The following BSPRY variants were observed in gnomAD, a reference collection of about 807,000 sequenced individuals.
The protein encoded by BSPRY is B box and SPRY domain-containing protein.
Under a neutral mutation model 38.0 loss-of-function variants are expected in BSPRY, and 33 were observed. The ratio of observed to expected loss-of-function variants is 0.87; its 90% CI spans 0.66 to 1.16. The LOEUF is 1.16. Among genes scored for constraint, BSPRY ranks in the 50% most tolerant of loss-of-function variants. The pLI is 0.00. For missense variants in BSPRY, 523 were observed against 533.2 expected, an observed-to-expected ratio of 0.98 and a Z score of 0.19; for synonymous variants, 224 against 228.5, an observed-to-expected ratio of 0.98 and a Z score of 0.18.
chr9:113,364,410 A>G (rs1202172671), intron 4 of BSPRY, among the ~76,000 whole-genome samples: 2 of 152,102 alleles, frequency 1.3e-5, no homozygotes, highest in South Asian at 4.1e-4. Flanking sequence ...ATCTTTTCAC[A>G]CTTCTGCCCA....
In BSPRY at chr9:113,349,630, G is replaced by A; in HGVS notation, c.51G>A (p.Gly17=). The A allele has an allele frequency of 8.3e-7, 1 of 1,211,314 alleles. No homozygotes were observed. The allele number at this position is 1,211,314 out of a possible 1,614,324, so 75.0% of individuals were successfully genotyped here. A position where few individuals can be genotyped will look rare whatever the true frequency, so the allele number is the denominator to read the frequency against. Residue 17 remains glycine, a synonymous_variant, in exon 1 of 6, where the codon GGG becomes GGA. Transcript: ENST00000374183. ...GGCCGGGGTCCGGGTCCGGGCCCGGGCCGGGGCCACTCTGCCCCGAACACG... is the reference window on the plus strand; with the variant it reads ...GGCCGGGGTCCGGGTCCGGGCCCGGACCGGGGCCACTCTGCCCCGAACACG... ...EPGPGSGSGP[G]PGPLCPEHGQ...
At chr9:113,364,808 A>G (rs986098678) in intron 4 of BSPRY, among the ~76,000 whole-genome samples, 28 of 152,334 alleles carry the variant, frequency 1.8e-4, no homozygotes, top group Middle Eastern at 6.8e-3. Context: ...AATTAAGGAA[A>G]TTTAACATTG....
At chr9:113,368,466 G>A in intron 5 of BSPRY, 83 bp downstream of exon 5, 1 of 1,527,092 alleles carries the variant, frequency 6.5e-7, no homozygotes. Flanking sequence ...TTCACAATGG[G>A]GACCCGTGCT....
Position 113,370,346 on chromosome 9 carries a change from T to C in BSPRY, c.*204T>C. On this transcript the variant is annotated 3_prime_UTR_variant, in exon 6 of 6. Transcript: ENST00000374183. This position sits in a 1 kb window ranked among gnomAD's most constrained non-coding sequence, Gnocchi z 4.8. ...CAGGTGTCCAAACTTTTGGCTTCCC[T>C]GGGCCACATTTGAAGAAGAATTTTC... is the stretch of plus-strand genomic sequence containing the variant. 1 of 469,826 alleles carries C rather than the reference T, an allele frequency of 2.1e-6. No homozygotes were observed. The highest frequency in any genetic ancestry group is 3.6e-5 in the East Asian group (1 of 28,034). The allele number at this position is 469,826 out of a possible 1,614,324, so 29.1% of individuals were successfully genotyped here.
intron 4 of BSPRY, among the ~76,000 whole-genome samples, chr9:113,364,875 A>G (rs1834221092): frequency 6.6e-6 from 1 of 152,016 alleles, no homozygotes; most frequent in Non-Finnish European, 1.5e-5. Context: ...ATTGTGCAAA[A>G]GTTCTTAATA....
chr9:113,349,698 T>G lies in BSPRY; in HGVS notation c.119T>G (p.Val40Gly). 1.6e-6 allele frequency: 2 copies of G among 1,238,920 alleles called. No homozygotes were observed. The highest frequency in any genetic ancestry group is 2.0e-6 in the Non-Finnish European group (2 of 992,518). The allele number at this position is 1,238,920 out of a possible 1,614,324, so 76.7% of individuals were successfully genotyped here. A position where few individuals can be genotyped will look rare whatever the true frequency, so the allele number is the denominator to read the frequency against. ...TTCTGCGGCTCCGAGCGACGGCCCG[T>G]GTGCGCCGCCTGCGCGGGGTTGGGC... is the stretch of plus-strand genomic sequence containing the variant. Reference protein sequence around the residue: ...SWFCGSERRPVCAACAGLGGR... With the variant: ...SWFCGSERRPGCAACAGLGGR... Residue 40 changes from valine to glycine, a missense_variant, in exon 1 of 6, where the codon GTG becomes GGG. Transcript: ENST00000374183.
Position 113,370,315 on chromosome 9 carries a change from A to G in BSPRY, c.*173A>G. Reference sequence around the variant, plus strand: ...TGTTTCAGATCTAGGCATAACCTGTAAATCACAGGTGTCCAAACTTTTGGC... The same window carrying G: ...TGTTTCAGATCTAGGCATAACCTGTGAATCACAGGTGTCCAAACTTTTGGC... On this transcript the variant is annotated 3_prime_UTR_variant, in exon 6 of 6. Coordinates refer to ENST00000374183, the MANE Select transcript of BSPRY (RefSeq NM_017688.3). The surrounding 1 kb of genome is among the most constrained non-coding windows in gnomAD (Gnocchi z 4.8). 1.0e-5 allele frequency: 7 copies of G among 698,574 alleles called. No individual in the cohort carries two copies. The highest frequency in any genetic ancestry group is 1.5e-5 in the Non-Finnish European group (7 of 477,816). 43.3% of individuals were successfully genotyped at this position (698,574 alleles called of 1,614,324 possible). A position where few individuals can be genotyped will look rare whatever the true frequency, so the allele number is the denominator to read the frequency against.
chr9:113,360,882 C>T, intron 3 of BSPRY, 145 bp downstream of exon 3: 1 of 754,854 alleles, frequency 1.3e-6, no homozygotes, highest in Non-Finnish European at 2.1e-6. Context: ...CTTGGCCAAA[C>T]TTTAGTCAGG....
intron 4 of BSPRY, among the ~76,000 whole-genome samples, chr9:113,364,948 T>A (rs1348282750): frequency 2.4e-5 from 1 of 41,742 alleles, no homozygotes; most frequent in Admixed American, 2.5e-4. Flanking sequence ...CCTTAGCTTG[T>A]TTTTTTTTTT....
chr9:113,369,138 G>T (rs1834299305), intron 5 of BSPRY, among the ~76,000 whole-genome samples: 1 of 152,100 alleles, frequency 6.6e-6, no homozygotes, highest in African/African-American at 2.4e-5. Context: ...CTTATCTCAT[G>T]CTTCCTAGCT....
chr9:113,357,139 G>A (rs1423841080), intron 2 of BSPRY, among the ~76,000 whole-genome samples: 1 of 152,202 alleles, frequency 6.6e-6, no homozygotes, highest in African/African-American at 2.4e-5. Flanking sequence ...AGGAACCAGC[G>A]AACGGGGACC....
intron 1 of BSPRY, among the ~76,000 whole-genome samples, chr9:113,354,014 A>C (rs956099647): frequency 6.6e-6 from 1 of 152,162 alleles, no homozygotes; most frequent in African/African-American, 2.4e-5. Flanking sequence ...TGTTGCTGGA[A>C]TAGGTATCCT....
Position 113,349,657 on chromosome 9 carries a change from C to T in BSPRY, c.78C>T (p.Gly26=). The change falls in exon 1 of 6, where the codon GGC becomes GGT. Residue 26 remains glycine (G), a synonymous_variant. Transcript: ENST00000374183. ...PGPGPLCPEH[G]QALSWFCGSE... ...CGGGGCCACTCTGCCCCGAACACGG[C>T]CAGGCTCTGAGCTGGTTCTGCGGCT... 1 of 1,236,144 alleles carries T rather than the reference C, an allele frequency of 8.1e-7. No homozygotes were observed. The highest frequency in any genetic ancestry group is 1.0e-6 in the Non-Finnish European group (1 of 988,142). 76.6% of individuals were successfully genotyped at this position (1,236,144 alleles called of 1,614,324 possible). A position where few individuals can be genotyped will look rare whatever the true frequency, so the allele number is the denominator to read the frequency against.
At chr9:113,362,798 TCTC>T (rs1399217619) in intron 4 of BSPRY, among the ~76,000 whole-genome samples, 4 of 152,172 alleles carry the variant, frequency 2.6e-5, no homozygotes, top group African/African-American at 9.7e-5. Context: ...CTGCCTCACT[TCTC>T]CTTTCCCTGA....
intron 1 of BSPRY, among the ~76,000 whole-genome samples, chr9:113,352,067 T>C (rs1357922252): frequency 6.6e-6 from 1 of 152,156 alleles, no homozygotes; most frequent in Non-Finnish European, 1.5e-5. Context: ...CACCTCAGCC[T>C]CCCAAAGTGT....
chr9:113,365,389 T>C lies in BSPRY; in HGVS notation c.558-2870T>C, dbSNP rs576084650. On this transcript the variant is annotated intron_variant, in intron 4 of 5. Coordinates refer to ENST00000374183, the MANE Select transcript of BSPRY (RefSeq NM_017688.3). ...TGGATTCTTATTTTATTCAGTGCATTATAATCTGTCACTGTTATTACTAAT... is the reference window on the plus strand; with the variant it reads ...TGGATTCTTATTTTATTCAGTGCATCATAATCTGTCACTGTTATTACTAAT... Among the ~76,000 whole-genome samples the C allele has an allele frequency of 7.2e-5, 11 of 152,342 alleles. No homozygotes were observed. The East Asian group carries it at 1.9e-3, about 27-fold the overall frequency.
Position 113,370,061 on chromosome 9 carries a change from C to T in BSPRY, c.1128C>T (p.Leu376=). 5 of 1,613,928 alleles carry T rather than the reference C, an allele frequency of 3.1e-6. No homozygotes were observed. Among genetic ancestry groups the T allele is most frequent in the Admixed American group, 1.7e-5 (1 of 59,986 alleles). ...LFYEPASGTV[L]CAHHVSFPGP... ...ATGAGCCAGCCTCCGGCACAGTGCT[C>T]TGTGCCCATCATGTGTCCTTCCCGG... Residue 376 remains leucine (L), a synonymous_variant, in exon 6 of 6, where the codon CTC becomes CTT. Coordinates refer to ENST00000374183, the MANE Select transcript of BSPRY (RefSeq NM_017688.3). This position sits in a 1 kb window ranked among gnomAD's most constrained non-coding sequence, Gnocchi z 4.8.
At chr9:113,359,700 T>C (rs1834117819) in intron 2 of BSPRY, among the ~76,000 whole-genome samples, 2 of 152,130 alleles carry the variant, frequency 1.3e-5, no homozygotes, top group South Asian at 2.1e-4. Context: ...TGCTACTGAA[T>C]TGCCATGTGA....
rs183252331 is a variant in BSPRY at position 113,363,950 on chromosome 9, A to G, written c.557+1556A>G. ...ACGCCTGTAATCCCATCACTTAGGG[A>G]GGCCTAGGCAGGCAGATCGCTTGAG... On this transcript the variant is annotated intron_variant, in intron 4 of 5. Transcript: ENST00000374183. Among the ~76,000 whole-genome samples the G allele has an allele frequency of 3.6e-3, 521 of 144,638 alleles. 6 individuals carry two copies. The highest frequency in any genetic ancestry group is 5.2e-3 in the Non-Finnish European group (346 of 66,352). 94.9% of individuals were successfully genotyped at this position (144,638 alleles called of 152,430 possible).
Sources: allele counts gnomAD v4.1 joint callset (sites outside exome capture counted in the v4.1 genomes callset), GRCh38; gene constraint gnomAD v4.1.1; non-coding constraint Gnocchi (gnomAD v3.1); transcripts MANE v1.5; gene names NCBI Gene and HGNC (gene_info 2026-07-23, HGNC 2026-07-21).